Variants in SPTLC3 observed in about 807,000 individuals in gnomAD.
SPTLC3 encodes the protein serine palmitoyltransferase 3.
SPTLC3 carries 36 observed loss-of-function variants against 59.3 expected under a neutral mutation model. The observed-to-expected ratio is 0.61, with a 90% confidence interval of 0.47 to 0.80. The LOEUF is 0.80. Among genes scored for constraint, SPTLC3 ranks in the 30% least tolerant of loss-of-function variants. The pLI is 0.00. For synonymous variants in SPTLC3, 257 were observed against 240.8 expected (o/e 1.07, Z -0.62); for missense variants, 625 against 685.1 (o/e 0.91, Z 0.98).
chr20:13,067,044 C>CATATATAT (rs143918659), intron 2 of SPTLC3, among the ~76,000 whole-genome samples: 19 of 71,126 alleles, frequency 2.7e-4, no homozygotes, highest in South Asian at 6.2e-4. Context: ...GTCACTTCTA[C>CATATATAT]ATATATATAT....
chr20:13,131,498 A>G (rs1416392567), intron 9 of SPTLC3, among the ~76,000 whole-genome samples: 1 of 152,248 alleles, frequency 6.6e-6, no homozygotes, highest in Non-Finnish European at 1.5e-5. Flanking sequence ...ATAAAGTCAT[A>G]GTACTTTCAA....
intron 4 of SPTLC3, among the ~76,000 whole-genome samples, chr20:13,077,950 A>G (rs1988704301): frequency 6.6e-6 from 1 of 151,890 alleles, no homozygotes; most frequent in Non-Finnish European, 1.5e-5. Flanking sequence ...CAAGCCCAAC[A>G]TCTGTATTTT....
chr20:13,016,634 A>G (rs569140801), intron 1 of SPTLC3, among the ~76,000 whole-genome samples: 108 of 152,292 alleles, frequency 7.1e-4, no homozygotes, highest in African/African-American at 1.4e-3. Context: ...ATAGGCTTAG[A>G]GACCTTTATT....
At chr20:13,130,237 A>G (rs953581965) in intron 9 of SPTLC3, among the ~76,000 whole-genome samples, 1 of 152,194 alleles carries the variant, frequency 6.6e-6, no homozygotes, top group Non-Finnish European at 1.5e-5. Context: ...TTCTGCAGAG[A>G]TAGACTCACT....
chr20:13,015,600 C>T lies in SPTLC3; in HGVS notation c.117+6216C>T, dbSNP rs902582852. On this transcript the variant is annotated intron_variant, in intron 1 of 11. Transcript: ENST00000399002. The stretch of plus-strand genomic sequence containing the variant: ...TTAACCTATCAGTTTCTGTGTAAGT[C>T]CAGTAAATAAATCAACATATTTTTG... Among the ~76,000 whole-genome samples, 9 of 151,992 alleles carry T rather than the reference C, an allele frequency of 5.9e-5. 1 individual carries two copies. The South Asian group carries it at 6.2e-4, about 11-fold the overall frequency.
intron 4 of SPTLC3, among the ~76,000 whole-genome samples, chr20:13,089,209 G>A (rs752929389): frequency 3.9e-5 from 6 of 152,198 alleles, no homozygotes; most frequent in East Asian, 1.9e-4. Context: ...TGTTTATAGC[G>A]GCCCTAAACA....
At chr20:13,115,068 A>G (rs1990458273) in intron 7 of SPTLC3, among the ~76,000 whole-genome samples, 1 of 152,236 alleles carries the variant, frequency 6.6e-6, no homozygotes, top group Non-Finnish European at 1.5e-5. Context: ...AAGTCAAAAG[A>G]AAAACACAAC....
At chr20:13,012,102 T>C (rs16993639) in intron 1 of SPTLC3, among the ~76,000 whole-genome samples, 2,116 of 152,332 alleles carry the variant, frequency 0.014, 54 homozygotes, top group Admixed American at 0.062. Context: ...CATAAACTTT[T>C]ATTTGGAAAA....
At chr20:13,123,646 G>A (rs1024042440) in intron 8 of SPTLC3, among the ~76,000 whole-genome samples, 1 of 152,076 alleles carries the variant, frequency 6.6e-6, no homozygotes, top group African/African-American at 2.4e-5. Flanking sequence ...AGAAGCACTG[G>A]CTTCTCCCTC....
chr20:13,125,395 T>G (rs1425807364), intron 8 of SPTLC3, among the ~76,000 whole-genome samples: 1 of 152,190 alleles, frequency 6.6e-6, no homozygotes, highest in Non-Finnish European at 1.5e-5. Flanking sequence ...GGTCCTAATA[T>G]TCTGGTTTAA....
At chr20:13,160,723 T>C (rs1568634662) in intron 11 of SPTLC3, among the ~76,000 whole-genome samples, 1 of 152,212 alleles carries the variant, frequency 6.6e-6, no homozygotes, top group Non-Finnish European at 1.5e-5. Flanking sequence ...GCAAACACTA[T>C]TGAGAGTCAA....
chr20:13,114,395 A>T (rs769076189), intron 7 of SPTLC3, among the ~76,000 whole-genome samples: 17 of 152,246 alleles, frequency 1.1e-4, no homozygotes, highest in Non-Finnish European at 2.1e-4. Flanking sequence ...TCTCAAAATT[A>T]TTCAAAAATA....
intron 9 of SPTLC3, among the ~76,000 whole-genome samples, chr20:13,131,114 A>G (rs191229307): frequency 1.8e-4 from 23 of 124,448 alleles, no homozygotes; most frequent in Non-Finnish European, 3.0e-4. Context: ...GTGAGCCCCA[A>G]ACCACACCGA....
At chr20:13,108,246 T>G (rs2122690799) in intron 6 of SPTLC3, among the ~76,000 whole-genome samples, 2 of 152,322 alleles carry the variant, frequency 1.3e-5, no homozygotes, top group Admixed American at 1.3e-4. Context: ...TTAAATGTAC[T>G]TGATAATTAA....
At chr20:13,087,958 T>C (rs1989059695) in intron 4 of SPTLC3, among the ~76,000 whole-genome samples, 1 of 152,202 alleles carries the variant, frequency 6.6e-6, no homozygotes, top group African/African-American at 2.4e-5. Flanking sequence ...ACGTGCAACA[T>C]CGGGAAAGCC....
chr20:13,146,819 G>A (rs527857576), intron 9 of SPTLC3, among the ~76,000 whole-genome samples: 28 of 152,212 alleles, frequency 1.8e-4, no homozygotes, highest in East Asian at 5.8e-4. Flanking sequence ...TGGAATTCAC[G>A]CCTCATCATG....
chr20:13,078,235 T>C (rs1181030315), intron 4 of SPTLC3, among the ~76,000 whole-genome samples: 5 of 148,602 alleles, frequency 3.4e-5, no homozygotes, highest in Non-Finnish European at 7.4e-5. Context: ...ATACATAGTA[T>C]ATATAAAAAT....
chr20:13,117,601 C>T lies in SPTLC3; in HGVS notation c.1028C>T (p.Ala343Val). The change falls in exon 8 of 12, where the codon GCC becomes GTC. Residue 343 changes from alanine to valine, a missense_variant. Ala to Val is a moderately conservative substitution (Grantham distance 64). Coordinates refer to ENST00000399002, the MANE Select transcript of SPTLC3 (RefSeq NM_018327.4). The stretch of plus-strand genomic sequence containing the variant: ...ATAGATGAAGCTCACAGTATTGGGG[C>T]CGTGGGCCCAACCGGCCGGGGTGTC... Reference protein sequence around the residue: ...LYIDEAHSIGAVGPTGRGVTE... With the variant: ...LYIDEAHSIGVVGPTGRGVTE... The T allele has an allele frequency of 6.2e-7, 1 of 1,614,020 alleles. No homozygotes were observed. The highest frequency in any genetic ancestry group is 8.5e-7 in the Non-Finnish European group (1 of 1,179,910).
At chr20:13,057,387 T>G (rs1987772274) in intron 2 of SPTLC3, among the ~76,000 whole-genome samples, 1 of 152,222 alleles carries the variant, frequency 6.6e-6, no homozygotes, top group African/African-American at 2.4e-5. Flanking sequence ...TACTCTTCTT[T>G]CCTTTTCTTA....
Sources: allele counts gnomAD v4.1 joint callset (sites outside exome capture counted in the v4.1 genomes callset), GRCh38; gene constraint gnomAD v4.1.1; transcripts MANE v1.5; gene names NCBI Gene and HGNC (gene_info 2026-07-23, HGNC 2026-07-21).